The following ATG10 variants were observed in gnomAD, a reference collection of about 807,000 sequenced individuals.
ATG10 encodes ubiquitin-like-conjugating enzyme ATG10.
A neutral mutation model predicts 32.1 loss-of-function variants in ATG10; 30 were observed. That is an observed-to-expected ratio of 0.94 (90% CI 0.70 to 1.27). The LOEUF is 1.27. Among genes scored for constraint, ATG10 ranks in the 50% most tolerant of loss-of-function variants. ATG10 has a pLI of 0.00. For missense variants in ATG10, 233 were observed against 262.3 expected (o/e 0.89, Z 0.77); for synonymous variants, 87 against 91.5 (o/e 0.95, Z 0.28).
chr5:82,197,652 A>G lies in ATG10; in HGVS notation c.453+19065A>G, dbSNP rs1744910775. Among the ~76,000 whole-genome samples, 3 of 151,666 alleles carry G rather than the reference A, an allele frequency of 2.0e-5. No homozygotes were observed. The South Asian group carries it at 6.3e-4, about 32-fold the overall frequency. On this transcript the variant is annotated intron_variant, in intron 5 of 7. Transcript: ENST00000282185. ...GTTTTCTTCCCACCCACCTTCTCCA[A>G]TGGTTAATTGCATCCTTCTCTGATT...
chr5:82,077,551 T>A (rs1489971259), intron 3 of ATG10, among the ~76,000 whole-genome samples: 1 of 152,062 alleles, frequency 6.6e-6, no homozygotes, highest in Non-Finnish European at 1.5e-5. Flanking sequence ...AAAGAGACTA[T>A]GCTGAGCTCA....
intron 5 of ATG10, among the ~76,000 whole-genome samples, chr5:82,179,804 G>A (rs531648282): frequency 1.1e-3 from 167 of 152,152 alleles, no homozygotes; most frequent in African/African-American, 3.9e-3. Flanking sequence ...TGATCATAAT[G>A]ACAGTTTACC....
chr5:82,061,779 CATAT>C (rs10656029), intron 3 of ATG10, among the ~76,000 whole-genome samples: 3 of 135,390 alleles, frequency 2.2e-5, no homozygotes, highest in South Asian at 2.2e-4. Flanking sequence ...TACATGTACA[CATAT>C]ATATATATAC....
chr5:82,009,929 T>A (rs1272586856), intron 2 of ATG10: 1 of 1,611,270 alleles, frequency 6.2e-7, no homozygotes, highest in Non-Finnish European at 8.5e-7. Flanking sequence ...CTGGAATAAT[T>A]CTGTGAAAGC....
chr5:82,250,035 GTACTT>G (rs1747187910), intron 5 of ATG10, among the ~76,000 whole-genome samples: 1 of 152,136 alleles, frequency 6.6e-6, no homozygotes, highest in South Asian at 2.1e-4. Context: ...AAGTCAACAT[GTACTT>G]TACATCAATA....
chr5:82,142,525 A>G (rs147102711), intron 3 of ATG10, among the ~76,000 whole-genome samples: 1 of 152,272 alleles, frequency 6.6e-6, no homozygotes, highest in Admixed American at 6.5e-5. Flanking sequence ...CTAAGAGGGG[A>G]CAGGTGGAAG....
chr5:82,015,233 G>A lies in ATG10; in HGVS notation c.108+27555G>A, dbSNP rs573642838. Among the ~76,000 whole-genome samples the A allele has an allele frequency of 6.2e-4, 95 of 152,262 alleles. 1 individual carries two copies. Among genetic ancestry groups the A allele is most frequent in the Non-Finnish European group, 2.2e-4 (15 of 68,014 alleles). The stretch of plus-strand genomic sequence containing the variant: ...ATGGGCTTCCCTTTGTGGGTAACCC[G>A]ACCTTTCTGTCTGGCTGCCCTTAAT... On this transcript the variant is annotated intron_variant, in intron 2 of 7. Transcript: ENST00000282185.
intron 3 of ATG10, among the ~76,000 whole-genome samples, chr5:82,162,585 T>G (rs1743399139): frequency 6.6e-6 from 1 of 152,152 alleles, no homozygotes; most frequent in African/African-American, 2.4e-5. Context: ...AGGGTATATG[T>G]GCTGTGATAT....
At chr5:82,181,670 A>G (rs1744243618) in intron 5 of ATG10, among the ~76,000 whole-genome samples, 2 of 152,132 alleles carry the variant, frequency 1.3e-5, no homozygotes, top group African/African-American at 2.4e-5. Context: ...TGAACATGAT[A>G]ATAATATGCT....
chr5:82,112,346 A>AG (rs754473174), intron 3 of ATG10, among the ~76,000 whole-genome samples: 4 of 151,862 alleles, frequency 2.6e-5, no homozygotes, highest in Non-Finnish European at 4.4e-5. Context: ...AATATATTTG[A>AG]GGGGGCTTTG....
chr5:82,024,732 C>T (rs1364450634), intron 2 of ATG10, among the ~76,000 whole-genome samples: 1 of 152,150 alleles, frequency 6.6e-6, no homozygotes, highest in South Asian at 2.1e-4. Flanking sequence ...GAGAAAACAG[C>T]CTGATGACCC....
intron 3 of ATG10, among the ~76,000 whole-genome samples, chr5:82,070,928 C>T (rs777375501): frequency 6.6e-6 from 1 of 152,152 alleles, no homozygotes; most frequent in Non-Finnish European, 1.5e-5. Context: ...ATCACCACAT[C>T]TAATGGCTTC....
chr5:82,206,576 C>T (rs1745309287), intron 5 of ATG10, among the ~76,000 whole-genome samples: 1 of 149,940 alleles, frequency 6.7e-6, no homozygotes, highest in Non-Finnish European at 1.5e-5. Context: ...CTTGAACCTG[C>T]GAGGCGGAGG....
At chr5:82,054,186 C>G (rs538999149) in intron 2 of ATG10, among the ~76,000 whole-genome samples, 60 of 152,278 alleles carry the variant, frequency 3.9e-4, no homozygotes, top group African/African-American at 1.3e-3. Context: ...ACACCAGCAA[C>G]AGTTTGAAAA....
At chr5:82,049,676 A>G (rs1763344815) in intron 2 of ATG10, among the ~76,000 whole-genome samples, 1 of 152,200 alleles carries the variant, frequency 6.6e-6, no homozygotes, top group South Asian at 2.1e-4. Context: ...TGAAAAACAG[A>G]GTGAAGGTAT....
intron 5 of ATG10, among the ~76,000 whole-genome samples, chr5:82,250,769 A>C (rs1747225600): frequency 6.6e-6 from 1 of 152,230 alleles, no homozygotes; most frequent in Non-Finnish European, 1.5e-5. Context: ...TTTATCTAAG[A>C]GATGCAGTGG....
chr5:82,071,550 AT>A (rs1764133235), intron 3 of ATG10, among the ~76,000 whole-genome samples: 1 of 152,172 alleles, frequency 6.6e-6, no homozygotes, highest in Admixed American at 6.6e-5. Context: ...GGGTATTGGA[AT>A]TAACCTTACT....
At chr5:82,032,483 A>G (rs1313634298) in intron 2 of ATG10, among the ~76,000 whole-genome samples, 1 of 152,102 alleles carries the variant, frequency 6.6e-6, no homozygotes, top group Non-Finnish European at 1.5e-5. Context: ...ATAAACTTTT[A>G]CTGTTCTTTT....
intron 3 of ATG10, among the ~76,000 whole-genome samples, chr5:82,097,384 A>G (rs1227707361): frequency 6.6e-6 from 1 of 152,202 alleles, no homozygotes; most frequent in Admixed American, 6.5e-5. Flanking sequence ...AATTGCTTAA[A>G]TTATGTGAAA....
Sources: allele counts gnomAD v4.1 joint callset (sites outside exome capture counted in the v4.1 genomes callset), GRCh38; gene constraint gnomAD v4.1.1; transcripts MANE v1.5; gene names NCBI Gene and HGNC (gene_info 2026-07-23, HGNC 2026-07-21).